The following ZMAT4 variants were observed in gnomAD, a reference collection of about 807,000 sequenced individuals.
ZMAT4 encodes the protein zinc finger matrin-type protein 4.
ZMAT4 carries 17 observed loss-of-function variants against 28.7 expected under a neutral mutation model. That is an observed-to-expected ratio of 0.59 (90% CI 0.41 to 0.89). The LOEUF is 0.89. Ranked by LOEUF, ZMAT4 falls within the 40% of genes least tolerant of loss-of-function variation. ZMAT4 has a pLI of 0.00. For synonymous variants in ZMAT4, 117 were observed against 109.2 expected, an observed-to-expected ratio of 1.07 and a Z score of -0.44; for missense variants, 240 against 283.8, an observed-to-expected ratio of 0.85 and a Z score of 1.11.
At chr8:40,752,855 C>T (rs546401858) in intron 3 of ZMAT4, among the ~76,000 whole-genome samples, 6 of 151,798 alleles carry the variant, frequency 4.0e-5, no homozygotes, top group Non-Finnish European at 5.9e-5. Flanking sequence ...AGACACCAGC[C>T]GTGCTCATGC....
chr8:40,785,025 G>A (rs1814009256), intron 2 of ZMAT4, among the ~76,000 whole-genome samples: 2 of 152,218 alleles, frequency 1.3e-5, no homozygotes, highest in South Asian at 4.1e-4. Context: ...CTTAACTCCA[G>A]TGCTGGACTG....
intron 3 of ZMAT4, among the ~76,000 whole-genome samples, chr8:40,702,475 G>A (rs1483371148): frequency 1.3e-5 from 2 of 152,198 alleles, no homozygotes; most frequent in Non-Finnish European, 2.9e-5. Context: ...TGTTTGTGGA[G>A]TAACCTAAGG....
chr8:40,735,977 A>C (rs1043960510), intron 3 of ZMAT4, among the ~76,000 whole-genome samples: 3 of 152,196 alleles, frequency 2.0e-5, no homozygotes, highest in Non-Finnish European at 2.9e-5. Context: ...TCTTCTTAGA[A>C]GCTAAGAATC....
chr8:40,758,980 G>A (rs1812809267), intron 3 of ZMAT4, among the ~76,000 whole-genome samples: 1 of 152,120 alleles, frequency 6.6e-6, no homozygotes, highest in African/African-American at 2.4e-5. Context: ...CCTTTGGAAT[G>A]GTATCTGAGA....
At chr8:40,598,277 A>G (rs1411701334) in intron 5 of ZMAT4, among the ~76,000 whole-genome samples, 2 of 152,196 alleles carry the variant, frequency 1.3e-5, no homozygotes, top group African/African-American at 4.8e-5. Flanking sequence ...TGCATATGCC[A>G]TGGTGGTTTA....
chr8:40,706,588 C>G (rs958928185), intron 3 of ZMAT4, among the ~76,000 whole-genome samples: 2 of 152,170 alleles, frequency 1.3e-5, no homozygotes, highest in African/African-American at 4.8e-5. Flanking sequence ...GTCAAAAACT[C>G]TCAACCACAC....
intron 3 of ZMAT4, among the ~76,000 whole-genome samples, chr8:40,728,810 T>C (rs1046382790): frequency 1.3e-5 from 2 of 152,242 alleles, no homozygotes; most frequent in African/African-American, 4.8e-5. Context: ...CATTTTTTTT[T>C]CTACCTAGAA....
At chr8:40,807,893 C>T (rs970973983) in intron 2 of ZMAT4, among the ~76,000 whole-genome samples, 9 of 152,324 alleles carry the variant, frequency 5.9e-5, no homozygotes, top group Non-Finnish European at 1.3e-4. Context: ...AGAGGCAAGG[C>T]ATACTGTGCT....
chr8:40,629,846 G>A (rs1369003696), intron 5 of ZMAT4, among the ~76,000 whole-genome samples: 1 of 152,096 alleles, frequency 6.6e-6, no homozygotes, highest in East Asian at 1.9e-4. Flanking sequence ...TTGCTATTGT[G>A]AGTAGTGCCG....
Position 40,541,721 on chromosome 8 carries a change from A to G in ZMAT4, c.675-9483T>C, listed in dbSNP as rs866263835. On this transcript the variant is annotated intron_variant, in intron 6 of 6. Coordinates refer to ENST00000297737, the MANE Select transcript of ZMAT4 (RefSeq NM_024645.3). ...TGATTTTTCCCAAATAGAAAATAAA[A>G]TGAAAAAAATAACAGGTGAATTTGA... Among the ~76,000 whole-genome samples, 5 of 152,322 alleles carry G rather than the reference A, an allele frequency of 3.3e-5. No homozygotes were observed. The South Asian group carries it at 1.0e-3, about 32-fold the overall frequency.
At chr8:40,613,188 T>C (rs1424571246) in intron 5 of ZMAT4, among the ~76,000 whole-genome samples, 3 of 135,132 alleles carry the variant, frequency 2.2e-5, no homozygotes, top group Admixed American at 7.4e-5. Flanking sequence ...TTCTTTTTTT[T>C]TTTTTTTTTT....
At chr8:40,613,328 G>T in intron 5 of ZMAT4, among the ~76,000 whole-genome samples, 1 of 151,222 alleles carries the variant, frequency 6.6e-6, no homozygotes, top group East Asian at 2.0e-4. Context: ...GATTACAGGT[G>T]CCTGCCACCA....
intron 2 of ZMAT4, among the ~76,000 whole-genome samples, chr8:40,781,334 CA>C (rs1388686081): frequency 1.3e-5 from 2 of 151,948 alleles, no homozygotes; most frequent in African/African-American, 4.8e-5. Flanking sequence ...TCAGATTAGC[CA>C]AAACAATCTT....
intron 3 of ZMAT4, among the ~76,000 whole-genome samples, chr8:40,711,048 T>C (rs1810593976): frequency 6.6e-6 from 1 of 152,290 alleles, no homozygotes; most frequent in Non-Finnish European, 1.5e-5. Context: ...CCTCCCAAAG[T>C]ACTGGGATTA....
chr8:40,807,299 G>A (rs573566224), intron 2 of ZMAT4, among the ~76,000 whole-genome samples: 15 of 152,022 alleles, frequency 9.9e-5, no homozygotes, highest in South Asian at 4.2e-4. Context: ...AAAATTAGCC[G>A]GGCATGGTGG....
intron 3 of ZMAT4, among the ~76,000 whole-genome samples, chr8:40,698,837 T>C (rs375659151): frequency 8.6e-5 from 13 of 151,716 alleles, no homozygotes; most frequent in African/African-American, 2.2e-4. Context: ...ACTTCAAACA[T>C]TGGGGCTGGG....
chr8:40,785,949 C>T (rs1007699774), intron 2 of ZMAT4, among the ~76,000 whole-genome samples: 5 of 152,014 alleles, frequency 3.3e-5, no homozygotes, highest in African/African-American at 1.2e-4. Context: ...GGGTGGAAAA[C>T]GATGACCATT....
At chr8:40,693,250 T>C (rs1424886192) in intron 4 of ZMAT4, among the ~76,000 whole-genome samples, 1 of 152,016 alleles carries the variant, frequency 6.6e-6, no homozygotes, top group Non-Finnish European at 1.5e-5. Flanking sequence ...CCAAGGAGCT[T>C]GGACTATAGG....
chr8:40,763,315 T>C (rs1457929650), intron 3 of ZMAT4, among the ~76,000 whole-genome samples: 9 of 151,942 alleles, frequency 5.9e-5, no homozygotes, highest in Non-Finnish European at 2.9e-5. Context: ...TTTTGTTTTC[T>C]ACTTTTCCAG....
Sources: allele counts gnomAD v4.1 joint callset (sites outside exome capture counted in the v4.1 genomes callset), GRCh38; gene constraint gnomAD v4.1.1; transcripts MANE v1.5; gene names NCBI Gene and HGNC (gene_info 2026-07-23, HGNC 2026-07-21).